Variants in MIS18A observed in about 807,000 individuals in gnomAD.
MIS18A encodes the protein MIS18 kinetochore protein A, also known as protein Mis18-alpha.
A neutral mutation model predicts 25.0 loss-of-function variants in MIS18A; 14 were observed. The observed-to-expected ratio is 0.56, with a 90% CI of 0.37 to 0.88. The LOEUF (loss-of-function observed/expected upper bound fraction) is 0.88, where lower values mean the gene tolerates loss of function less well. Among genes scored for constraint, MIS18A ranks in the 40% least tolerant of loss-of-function variants. The probability of loss-of-function intolerance (pLI) is 0.00; values close to 1 mark genes in which losing one functional copy is unlikely to be tolerated. For synonymous variants in MIS18A, 134 were observed against 118.6 expected (o/e 1.13, Z -0.84); for missense variants, 292 against 290.8 (o/e 1.00, Z -0.03).
chr21:32,269,400 G>A (rs2031671704), intron 4 of MIS18A, among the ~76,000 whole-genome samples: 1 of 152,064 alleles, frequency 6.6e-6, no homozygotes, highest in Non-Finnish European at 1.5e-5. Flanking sequence ...CCAACAACAA[G>A]GCTATTTATA....
At chr21:32,156,632 A>AC in the MIS18A span, 1 of 152,176 alleles carries the variant, frequency 6.6e-6, no homozygotes, top group Admixed American at 6.5e-5. Context: ...AATTCTATTA[A>AC]CCTATATATT....
downstream of MIS18A, among the ~76,000 whole-genome samples, chr21:32,265,400 G>C (rs2031574974): frequency 6.6e-6 from 1 of 152,224 alleles, no homozygotes; most frequent in African/African-American, 2.4e-5. Context: ...GGGTGGGCGT[G>C]GGCTTAGTGG....
chr21:32,274,077 T>C (rs113233050), intron 2 of MIS18A, among the ~76,000 whole-genome samples: 5 of 151,986 alleles, frequency 3.3e-5, no homozygotes, highest in East Asian at 3.9e-4. Context: ...TTTACCCCAA[T>C]AGGCTGTGTG....
chr21:32,177,586 G>T, the MIS18A span, among the ~76,000 whole-genome samples: 34 of 152,122 alleles, frequency 2.2e-4, no homozygotes, highest in African/African-American at 8.2e-4. Flanking sequence ...ATTTTAGCAA[G>T]GTCATTGGAT....
At chr21:32,190,680 G>A in the MIS18A span, among the ~76,000 whole-genome samples, 2 of 152,204 alleles carry the variant, frequency 1.3e-5, no homozygotes, top group Admixed American at 6.5e-5. Context: ...TGAGCCAACC[G>A]TGGGATCTAA....
chr21:32,273,006 G>A (rs1389239944), intron 2 of MIS18A, among the ~76,000 whole-genome samples: 1 of 152,114 alleles, frequency 6.6e-6, no homozygotes, highest in East Asian at 1.9e-4. Flanking sequence ...AATGATCTGA[G>A]GTGGGTTTTC....
the MIS18A span, among the ~76,000 whole-genome samples, chr21:32,178,069 C>A: frequency 6.6e-6 from 1 of 151,986 alleles, no homozygotes. Context: ...CATGAGCATG[C>A]CACTATACTA....
chr21:32,273,115 CTTTT>C (rs879786505), intron 2 of MIS18A, among the ~76,000 whole-genome samples: 5 of 134,426 alleles, frequency 3.7e-5, no homozygotes, highest in African/African-American at 8.1e-5. Flanking sequence ...AACTTTTTTT[CTTTT>C]TTTTTTTTTT....
chr21:32,216,883 C>G, the MIS18A span, among the ~76,000 whole-genome samples: 1 of 152,146 alleles, frequency 6.6e-6, no homozygotes, highest in African/African-American at 2.4e-5. Context: ...ACCACTAAGC[C>G]AAATGAGCAG....
chr21:32,190,438 GA>G, the MIS18A span, among the ~76,000 whole-genome samples: 1,158 of 152,296 alleles, frequency 7.6e-3, 9 homozygotes, highest in African/African-American at 0.02. Context: ...CTGAGAATCT[GA>G]TGAAGTACCC....
the MIS18A span, among the ~76,000 whole-genome samples, chr21:32,173,304 C>T: frequency 6.6e-6 from 1 of 152,022 alleles, no homozygotes; most frequent in South Asian, 2.1e-4. Flanking sequence ...CAAATGGGGG[C>T]AGGAATGTGG....
At chr21:32,232,171 A>T in the MIS18A span, among the ~76,000 whole-genome samples, 1 of 152,146 alleles carries the variant, frequency 6.6e-6, no homozygotes, top group Non-Finnish European at 1.5e-5. Flanking sequence ...CTATAGCTAT[A>T]TATCTAGATA....
At chr21:32,246,198 C>T in the MIS18A span, among the ~76,000 whole-genome samples, 1 of 152,182 alleles carries the variant, frequency 6.6e-6, no homozygotes, top group African/African-American at 2.4e-5. Flanking sequence ...ACCTCCAACA[C>T]TAGGGATTAC....
At chr21:32,226,065 G>A in the MIS18A span, among the ~76,000 whole-genome samples, 1 of 117,028 alleles carries the variant, frequency 8.5e-6, no homozygotes, top group Admixed American at 8.9e-5. Flanking sequence ...TCACTCATAG[G>A]TGGGAATTGA....
the MIS18A span, among the ~76,000 whole-genome samples, chr21:32,210,567 C>T: frequency 1.3e-5 from 2 of 152,146 alleles, no homozygotes; most frequent in Non-Finnish European, 2.9e-5. Context: ...CATTGCCCCC[C>T]ATCTGCATAT....
chr21:32,182,615 C>T, the MIS18A span, among the ~76,000 whole-genome samples: 1 of 152,166 alleles, frequency 6.6e-6, no homozygotes, highest in African/African-American at 2.4e-5. Flanking sequence ...CATAGCTTTC[C>T]ACAGCTGGAG....
chr21:32,228,941 C>T, the MIS18A span, among the ~76,000 whole-genome samples: 2 of 152,070 alleles, frequency 1.3e-5, no homozygotes, highest in African/African-American at 4.8e-5. Context: ...AAAAAATCAC[C>T]TATATATGCT....
chr21:32,205,097 CTTTTTTTTTTTT>C, the MIS18A span, among the ~76,000 whole-genome samples: 2 of 66,182 alleles, frequency 3.0e-5, no homozygotes, highest in African/African-American at 6.4e-5. Context: ...AGAACTTGTC[CTTTTTTTTTTTT>C]TTTTTTTTTT....
chr21:32,232,065 GA>G, the MIS18A span, among the ~76,000 whole-genome samples: 1 of 152,116 alleles, frequency 6.6e-6, no homozygotes, highest in Admixed American at 6.5e-5. Context: ...CCAAGATATG[GA>G]AACAACCTAA....
Sources: allele counts gnomAD v4.1 joint callset (sites outside exome capture counted in the v4.1 genomes callset), GRCh38; gene constraint gnomAD v4.1.1; transcripts MANE v1.5; gene names NCBI Gene and HGNC (gene_info 2026-07-23, HGNC 2026-07-21).